LIX1: variants seen among roughly 807,000 people sequenced by gnomAD.
LIX1 encodes protein limb expression 1 homolog.
In LIX1, 24 loss-of-function variants were observed where a neutral mutation model predicts 33.4. The observed-to-expected ratio is 0.72, with a 90% CI of 0.52 to 1.01. The LOEUF (loss-of-function observed/expected upper bound fraction) is 1.01, where lower values mean the gene tolerates loss of function less well. Among genes scored for constraint, LIX1 ranks in the 50% least tolerant of loss-of-function variants. The probability of loss-of-function intolerance (pLI) is 0.00; values close to 1 mark genes in which losing one functional copy is unlikely to be tolerated. For missense variants in LIX1, 311 were observed against 339.2 expected (o/e 0.92, Z 0.65); for synonymous variants, 124 against 124.0 (o/e 1.00, Z 0.00).
intron 5 of LIX1, among the ~76,000 whole-genome samples, chr5:97,096,400 C>T (rs1040373166): frequency 2.0e-5 from 3 of 152,128 alleles, no homozygotes; most frequent in Non-Finnish European, 4.4e-5. Context: ...ATACTCTTCT[C>T]CTACCACCAA....
intron 4 of LIX1, among the ~76,000 whole-genome samples, chr5:97,103,971 G>GAA (rs36039071): frequency 5.6e-5 from 6 of 107,402 alleles, no homozygotes; most frequent in African/African-American, 8.9e-5. Flanking sequence ...TCTCAAAAAA[G>GAA]AAAAAAAAAA....
In LIX1 at chr5:97,120,819, C is replaced by T. The variant is rs569275940; in HGVS notation, c.246+3647G>A. 3.3e-5 allele frequency among the ~76,000 whole-genome samples: 5 copies of T among 152,216 alleles called. No individual in the cohort carries two copies. In the East Asian group the frequency reaches 7.7e-4, roughly 23 times the overall value. The stretch of plus-strand genomic sequence containing the variant: ...GTAACAGGGAGCCATTGAAGCCCCC[C>T]TTTTTACTTTCTATTTTGAAATAAA... On this transcript the variant is annotated intron_variant, in intron 2 of 5. Coordinates refer to ENST00000274382, the MANE Select transcript of LIX1 (RefSeq NM_153234.5).
intron 2 of LIX1, among the ~76,000 whole-genome samples, chr5:97,115,322 G>A (rs532558226): frequency 6.6e-6 from 1 of 152,212 alleles, no homozygotes; most frequent in African/African-American, 2.4e-5. Context: ...ACTTATTTGT[G>A]AAATACTTTA....
At chr5:97,110,098 C>T (rs1747297580) in intron 2 of LIX1, among the ~76,000 whole-genome samples, 1 of 152,048 alleles carries the variant, frequency 6.6e-6, no homozygotes, top group Non-Finnish European at 1.5e-5. Flanking sequence ...GGGTAAATTC[C>T]CAGTAGTGGA....
Position 97,141,214 on chromosome 5 carries a change from G to A in LIX1, c.82+1281C>T, listed in dbSNP as rs138490871. Among the ~76,000 whole-genome samples the A allele has an allele frequency of 1.8e-3, 271 of 152,162 alleles. 2 individuals are homozygous for A. Among genetic ancestry groups the A allele is most frequent in the African/African-American group, 6.3e-3 (262 of 41,516 alleles). On this transcript the variant is annotated intron_variant, in intron 1 of 5. Transcript: ENST00000274382. ...TTTATCCAAAGCTTGGGCAGCCCGAGAGCCCTTTTATCCCTCACTAGTGAA... is the reference window on the plus strand; with the variant it reads ...TTTATCCAAAGCTTGGGCAGCCCGAAAGCCCTTTTATCCCTCACTAGTGAA...
At chr5:97,128,951 A>G (rs900704531) in intron 1 of LIX1, among the ~76,000 whole-genome samples, 1 of 152,104 alleles carries the variant, frequency 6.6e-6, no homozygotes, top group African/African-American at 2.4e-5. Context: ...ACTGAATCTC[A>G]TAGCCGATCA....
At chr5:97,104,203 T>A (rs1437554789) in intron 4 of LIX1, among the ~76,000 whole-genome samples, 1 of 152,124 alleles carries the variant, frequency 6.6e-6, no homozygotes, top group Non-Finnish European at 1.5e-5. Context: ...CCATTGTAAA[T>A]TACACCGTGA....
At chr5:97,111,415 T>C (rs1224343286) in intron 2 of LIX1, among the ~76,000 whole-genome samples, 1 of 152,254 alleles carries the variant, frequency 6.6e-6, no homozygotes, top group African/African-American at 2.4e-5. Flanking sequence ...GAATTTCAGA[T>C]GGATAATTGG....
At chr5:97,114,286 C>T (rs1174698047) in intron 2 of LIX1, among the ~76,000 whole-genome samples, 2 of 152,140 alleles carry the variant, frequency 1.3e-5, no homozygotes, top group Non-Finnish European at 2.9e-5. Flanking sequence ...ATCACTTGAA[C>T]TTAGGAGTTT....
chr5:97,140,053 T>C (rs1344137394), intron 1 of LIX1, among the ~76,000 whole-genome samples: 3 of 152,214 alleles, frequency 2.0e-5, no homozygotes, highest in Non-Finnish European at 4.4e-5. Context: ...AAGAGAAAAT[T>C]CAGTTACTAT....
chr5:97,129,957 C>T (rs1466034358), intron 1 of LIX1, among the ~76,000 whole-genome samples: 2 of 152,168 alleles, frequency 1.3e-5, no homozygotes, highest in East Asian at 3.8e-4. Context: ...AAAGAAAAGA[C>T]TTTATTTGCA....
At chr5:97,096,143 G>A (rs1174529828) in intron 5 of LIX1, among the ~76,000 whole-genome samples, 1 of 152,146 alleles carries the variant, frequency 6.6e-6, no homozygotes, top group Admixed American at 6.5e-5. Context: ...CTAACGGTGG[G>A]TAGAGGAAGG....
intron 1 of LIX1, among the ~76,000 whole-genome samples, chr5:97,125,435 A>G (rs1747892992): frequency 1.3e-5 from 2 of 152,352 alleles, no homozygotes; most frequent in South Asian, 4.1e-4. Context: ...GCCCTGCCTA[A>G]TGCAGGAATT....
At chr5:97,133,253 T>G (rs1748099698) in intron 1 of LIX1, among the ~76,000 whole-genome samples, 1 of 152,240 alleles carries the variant, frequency 6.6e-6, no homozygotes, top group South Asian at 2.1e-4. Context: ...GCCTGTTCTC[T>G]GAAGCCAGAC....
At chr5:97,105,385 G>T in intron 3 of LIX1, 100 bp from the exon 4 acceptor site, 1 of 938,010 alleles carries the variant, frequency 1.1e-6, no homozygotes. Flanking sequence ...GCCTATTTTT[G>T]GTCTAACCTG....
Position 97,142,522 on chromosome 5 carries a change from T to C in LIX1, c.55A>G (p.Arg19Gly), listed in dbSNP as rs1748313902. The C allele has an allele frequency of 2.5e-6, 4 of 1,613,960 alleles. No homozygotes were observed. Among genetic ancestry groups the C allele is most frequent in the Non-Finnish European group, 3.4e-6 (4 of 1,179,918 alleles). The change falls in exon 1 of 6, where the codon AGA (arginine) becomes GGA (glycine). Residue 19 changes from arginine to glycine, a missense_variant. Arg to Gly is a moderately radical substitution (Grantham distance 125). Coordinates refer to ENST00000274382, the MANE Select transcript of LIX1 (RefSeq NM_153234.5). ...RHIIAQVLPH[R>G]DPALVFKDLN... is the part of the protein sequence containing the mutation. Reference sequence around the variant, plus strand: ...TCTTTGAAGACTAGAGCCGGATCTCTGTGAGGCAAGACTTGGGCAATGATG... The same window carrying C: ...TCTTTGAAGACTAGAGCCGGATCTCCGTGAGGCAAGACTTGGGCAATGATG...
Position 97,102,401 on chromosome 5 carries a change from G to T in LIX1, c.483+2789C>A, listed in dbSNP as rs1455942504. On this transcript the variant is annotated intron_variant, in intron 4 of 5. Transcript: ENST00000274382. ...CCCAGGCCACTAAGGAATGTGCCAG[G>T]TCCCAGCAGGCAAGCTAGGGCTGGT... Among the ~76,000 whole-genome samples the T allele has an allele frequency of 2.0e-5, 3 of 152,030 alleles. No individual in the cohort carries two copies. In the East Asian group the frequency reaches 5.8e-4, roughly 29 times the overall value.
intron 2 of LIX1, among the ~76,000 whole-genome samples, chr5:97,120,600 C>G (rs1747753575): frequency 6.6e-6 from 1 of 152,028 alleles, no homozygotes; most frequent in African/African-American, 2.4e-5. Context: ...GAGAAGGTGG[C>G]AATAGCATTT....
rs758182421 is a variant in LIX1, at chr5:97,094,971, T to C, written c.626A>G (p.Asp209Gly). The change falls in exon 6 of 6, where the codon GAC (aspartate) becomes GGC (glycine). Residue 209 changes from aspartate (D) to glycine (G), a missense_variant. Coordinates refer to ENST00000274382, the MANE Select transcript of LIX1 (RefSeq NM_153234.5). ...TGAGTCCCGCTCCTTCATGATCCAG[T>C]CCAGGGCCATGTGGCTGCGCATCTT... ...DEKMRSHMALDWIMKERDSPG... is the reference protein window; with the variant it reads ...DEKMRSHMALGWIMKERDSPG... 6.2e-7 allele frequency: 1 copy of C among 1,614,152 alleles called. No individual in the cohort carries two copies. Among genetic ancestry groups the C allele is most frequent in the South Asian group, 1.1e-5 (1 of 91,086 alleles).
Sources: allele counts gnomAD v4.1 joint callset (sites outside exome capture counted in the v4.1 genomes callset), GRCh38; gene constraint gnomAD v4.1.1; transcripts MANE v1.5; gene names NCBI Gene and HGNC (gene_info 2026-07-23, HGNC 2026-07-21).